The following MEOX2 variants were observed in gnomAD, a reference collection of about 807,000 sequenced individuals.
MEOX2 encodes the protein mesenchyme homeobox 2.
In MEOX2, 11 loss-of-function variants were observed where a neutral mutation model predicts 27.0. That is an observed-to-expected ratio of 0.41 (90% CI 0.26 to 0.68). MEOX2 has a LOEUF of 0.68. MEOX2 is among the 30% of genes least tolerant of loss of function. MEOX2 has a pLI of 0.33. For missense variants in MEOX2, 436 were observed against 385.4 expected (o/e 1.13, Z -1.10); for synonymous variants, 189 against 155.4 (o/e 1.22, Z -1.61).
chr7:15,630,942 AAATCCTCTTGCC>A (rs1331643508), intron 1 of MEOX2, among the ~76,000 whole-genome samples: 4 of 152,022 alleles, frequency 2.6e-5, no homozygotes, highest in African/African-American at 9.6e-5. Flanking sequence ...AGGAGTTCTT[AAATCCTCTTGCC>A]AATCCACTTT....
intron 1 of MEOX2, among the ~76,000 whole-genome samples, chr7:15,646,124 A>G (rs1583764371): frequency 6.6e-6 from 1 of 152,218 alleles, no homozygotes; most frequent in Non-Finnish European, 1.5e-5. Flanking sequence ...CTTGGCATAA[A>G]AACCTCTGTT....
chr7:15,659,070 G>A (rs566070635), intron 1 of MEOX2, among the ~76,000 whole-genome samples: 3 of 152,086 alleles, frequency 2.0e-5, no homozygotes, highest in Non-Finnish European at 2.9e-5. Flanking sequence ...CATGATTATG[G>A]CTCATTACAG....
chr7:15,664,186 A>G (rs1713630192), intron 1 of MEOX2, among the ~76,000 whole-genome samples: 1 of 152,234 alleles, frequency 6.6e-6, no homozygotes, highest in African/African-American at 2.4e-5. Flanking sequence ...AAATTCATTA[A>G]TAAGAAATAA....
At chr7:15,622,590 A>G (rs1284545276) in intron 2 of MEOX2, among the ~76,000 whole-genome samples, 1 of 152,218 alleles carries the variant, frequency 6.6e-6, no homozygotes, top group Non-Finnish European at 1.5e-5. Context: ...AAGAATGAAT[A>G]TGAAAAGACA....
At chr7:15,647,627 G>A (rs1282783203) in intron 1 of MEOX2, among the ~76,000 whole-genome samples, 4 of 152,024 alleles carry the variant, frequency 2.6e-5, no homozygotes, top group Non-Finnish European at 4.4e-5. Context: ...AAGCTGCTGT[G>A]AACAGTCGCT....
intron 1 of MEOX2, among the ~76,000 whole-genome samples, chr7:15,665,570 C>T (rs1781989406): frequency 6.6e-6 from 1 of 152,032 alleles, no homozygotes. Context: ...CAGAATGGTC[C>T]AAATTATTCT....
At chr7:15,676,207 C>T (rs1307739069) in intron 1 of MEOX2, 4 of 152,020 alleles carry the variant, frequency 2.6e-5, no homozygotes, top group African/African-American at 9.7e-5. Flanking sequence ...TTCTCAATAA[C>T]GTATTAAATA....
chr7:15,617,802 T>C (rs1781147289), intron 2 of MEOX2, among the ~76,000 whole-genome samples: 1 of 152,110 alleles, frequency 6.6e-6, no homozygotes, highest in Non-Finnish European at 1.5e-5. Context: ...AATTTTTAGT[T>C]CTGAAGCCTC....
chr7:15,615,620 A>G (rs1439665782), intron 2 of MEOX2, among the ~76,000 whole-genome samples: 3 of 151,996 alleles, frequency 2.0e-5, no homozygotes, highest in Non-Finnish European at 4.4e-5. Flanking sequence ...TCTATTCCAC[A>G]TGAGTTGGGT....
intron 1 of MEOX2, among the ~76,000 whole-genome samples, chr7:15,656,245 T>C (rs1781818422): frequency 6.6e-6 from 1 of 151,866 alleles, no homozygotes; most frequent in South Asian, 2.1e-4. Flanking sequence ...TTTATGATTG[T>C]ATTTAGAGTG....
chr7:15,636,454 G>T (rs1263217919), intron 1 of MEOX2, among the ~76,000 whole-genome samples: 3 of 152,000 alleles, frequency 2.0e-5, no homozygotes. Flanking sequence ...TCAGGCATCA[G>T]TTTCCTTTTG....
intron 1 of MEOX2, among the ~76,000 whole-genome samples, chr7:15,663,719 G>T (rs1052825129): frequency 1.3e-5 from 2 of 152,124 alleles, no homozygotes; most frequent in Admixed American, 6.6e-5. Flanking sequence ...CTTTCTGAAG[G>T]TTGGGACTAT....
chr7:15,628,665 G>C (rs552191811), intron 1 of MEOX2, among the ~76,000 whole-genome samples: 1 of 152,070 alleles, frequency 6.6e-6, no homozygotes, highest in Non-Finnish European at 1.5e-5. Context: ...GATGATGTGT[G>C]TGCTCTCAGG....
intron 1 of MEOX2, among the ~76,000 whole-genome samples, chr7:15,660,356 C>T (rs1477278755): frequency 6.6e-6 from 1 of 152,106 alleles, no homozygotes; most frequent in African/African-American, 2.4e-5. Context: ...TTTTACTCAG[C>T]ACAGTATTAG....
intron 2 of MEOX2, among the ~76,000 whole-genome samples, chr7:15,623,527 G>A (rs904376415): frequency 6.6e-6 from 1 of 152,024 alleles, no homozygotes; most frequent in Non-Finnish European, 1.5e-5. Context: ...CTGCCACCAC[G>A]CCTGGCTCAT....
At chr7:15,669,507 G>C (rs1782063648) in intron 1 of MEOX2, among the ~76,000 whole-genome samples, 1 of 152,088 alleles carries the variant, frequency 6.6e-6, no homozygotes, top group African/African-American at 2.4e-5. Flanking sequence ...CAAATCACTA[G>C]CAGGTTAATC....
chr7:15,631,995 A>G (rs1335873327), intron 1 of MEOX2, among the ~76,000 whole-genome samples: 1 of 151,206 alleles, frequency 6.6e-6, no homozygotes, highest in Non-Finnish European at 1.5e-5. Flanking sequence ...GTAGAAATTT[A>G]GCAACTTAGC....
At position 15,686,552 on chromosome 7, in the gene MEOX2, G is replaced by A. The variant is rs191718178; in HGVS notation, c.-150C>T. On this transcript the variant is annotated 5_prime_UTR_variant, in exon 1 of 3. Transcript: ENST00000262041. ...ACTTCTGCAGAGCTCGGATAATCCC[G>A]GTCCTGAGCCCCAGCGGCCAGTCTC... is the stretch of plus-strand genomic sequence containing the variant. 9 of 717,812 alleles carry A rather than the reference G, an allele frequency of 1.3e-5. No individual in the cohort carries two copies. The South Asian group carries it at 1.4e-4, about 11-fold the overall frequency. 44.5% of individuals were successfully genotyped at this position (717,812 alleles called of 1,614,324 possible). A position where few individuals can be genotyped will look rare whatever the true frequency, so the allele number is the denominator to read the frequency against.
intron 1 of MEOX2, among the ~76,000 whole-genome samples, chr7:15,631,906 ATG>A (rs146116757): frequency 1.6e-4 from 21 of 129,370 alleles, no homozygotes; most frequent in South Asian, 2.4e-4. Flanking sequence ...CCAAGGTTAA[ATG>A]TGTGTGTGTG....
Sources: allele counts gnomAD v4.1 joint callset (sites outside exome capture counted in the v4.1 genomes callset), GRCh38; gene constraint gnomAD v4.1.1; transcripts MANE v1.5; gene names NCBI Gene and HGNC (gene_info 2026-07-23, HGNC 2026-07-21).